The following DIS3L2 variants were observed in gnomAD, a reference collection of about 807,000 sequenced individuals.
DIS3L2 encodes the protein DIS3 like 3'-5' exoribonuclease 2.
Under a neutral mutation model 97.5 loss-of-function variants are expected in DIS3L2, and 34 were observed. That is an observed-to-expected ratio of 0.35 (90% CI 0.27 to 0.46). The LOEUF (loss-of-function observed/expected upper bound fraction) is 0.46. DIS3L2 is among the 20% of genes least tolerant of loss of function. The probability of loss-of-function intolerance (pLI) is 1.00; values close to 1 mark genes in which losing one functional copy is unlikely to be tolerated. For missense variants in DIS3L2, 1,038 were observed against 1,146.0 expected (o/e 0.91, Z 1.36); for synonymous variants, 435 against 445.2 (o/e 0.98, Z 0.29).
At chr2:232,105,166 A>C (rs1399850209) in intron 6 of DIS3L2, among the ~76,000 whole-genome samples, 1 of 152,116 alleles carries the variant, frequency 6.6e-6, no homozygotes, top group African/African-American at 2.4e-5. Context: ...AATTATTTCT[A>C]CCTTTGGCTA....
chr2:232,163,379 C>G, intron 8 of DIS3L2, 80 bp from the exon 9 acceptor site: 1 of 1,462,088 alleles, frequency 6.8e-7, no homozygotes, highest in East Asian at 2.3e-5. Flanking sequence ...TTTCCCACTA[C>G]TTTACTTTTA....
rs1696709964 is a variant in DIS3L2 at position 232,087,804 on chromosome 2, A to G, written c.601+83A>G. 6 of 1,103,812 alleles carry G rather than the reference A, an allele frequency of 5.4e-6. 1 individual carries two copies. In the South Asian group the frequency reaches 9.0e-5, roughly 16 times the overall value. The allele number at this position is 1,103,812 out of a possible 1,614,324, so 68.4% of individuals were successfully genotyped here. Reference sequence around the variant, plus strand: ...TTCCCTCTCTGCTGCAGAGTAAATAACACAATGCCATTGATATAGTCCTAA... The same window carrying G: ...TTCCCTCTCTGCTGCAGAGTAAATAGCACAATGCCATTGATATAGTCCTAA... On this transcript the variant is annotated intron_variant, in intron 6 of 20. Coordinates refer to ENST00000325385, the MANE Select transcript of DIS3L2 (RefSeq NM_152383.5).
rs531354972 is a variant in DIS3L2, at chr2:232,080,208, C to T, written c.367-7279C>T. Among the ~76,000 whole-genome samples the T allele has an allele frequency of 2.9e-3, 435 of 152,102 alleles. 1 individual carries two copies. Among genetic ancestry groups the T allele is most frequent in the Non-Finnish European group, 4.8e-3 (323 of 67,994 alleles). ...AGGGAGAGGGTCAAGGGTAGTGCTG[C>T]GGTTTAGGGCTGGAGGAACTAGATG... On this transcript the variant is annotated intron_variant, in intron 5 of 20. Transcript: ENST00000325385.
At chr2:232,323,903 C>T (rs2106341984) in intron 14 of DIS3L2, among the ~76,000 whole-genome samples, 1 of 152,146 alleles carries the variant, frequency 6.6e-6, no homozygotes, top group Middle Eastern at 3.4e-3. Flanking sequence ...TTCTCCAGGC[C>T]TCCACTTTCC....
chr2:232,109,217 A>T (rs1480042794), intron 6 of DIS3L2, among the ~76,000 whole-genome samples: 3 of 152,138 alleles, frequency 2.0e-5, no homozygotes, highest in African/African-American at 4.8e-5. Flanking sequence ...AGGCCAAGGC[A>T]GGCGGATCAC....
At chr2:231,993,325 T>C (rs1326031253) in intron 1 of DIS3L2, among the ~76,000 whole-genome samples, 1 of 152,164 alleles carries the variant, frequency 6.6e-6, no homozygotes, top group Non-Finnish European at 1.5e-5. Context: ...GCAAGTCTCC[T>C]GCCTCAGCCT....
At chr2:232,058,946 T>C (rs1321753599) in intron 5 of DIS3L2, among the ~76,000 whole-genome samples, 1 of 152,218 alleles carries the variant, frequency 6.6e-6, no homozygotes, top group Non-Finnish European at 1.5e-5. Flanking sequence ...TCTTAAATGG[T>C]TTTATAACTT....
At chr2:232,177,053 G>A (rs991611894) in intron 9 of DIS3L2, among the ~76,000 whole-genome samples, 3 of 146,570 alleles carry the variant, frequency 2.0e-5, no homozygotes, top group African/African-American at 7.6e-5. Context: ...AGAATATGCG[G>A]TGTTTGGTTT....
At chr2:232,319,230 G>A (rs1695360483) in intron 14 of DIS3L2, among the ~76,000 whole-genome samples, 1 of 152,208 alleles carries the variant, frequency 6.6e-6, no homozygotes, top group African/African-American at 2.4e-5. Flanking sequence ...CCCATGTGGG[G>A]TGCACACGAC....
At chr2:232,167,022 A>G (rs1690844488) in intron 9 of DIS3L2, among the ~76,000 whole-genome samples, 1 of 152,162 alleles carries the variant, frequency 6.6e-6, no homozygotes, top group South Asian at 2.1e-4. Context: ...AAAAAAAAAA[A>G]AAATTACTTT....
intron 13 of DIS3L2, among the ~76,000 whole-genome samples, chr2:232,296,092 T>C (rs1694719642): frequency 6.6e-6 from 1 of 152,228 alleles, no homozygotes; most frequent in African/African-American, 2.4e-5. Context: ...CCAGGTATGT[T>C]AGAATCCGCA....
chr2:232,163,715 T>C, intron 9 of DIS3L2, 83 bp downstream of exon 9: 2 of 1,443,566 alleles, frequency 1.4e-6, no homozygotes, highest in East Asian at 2.5e-5. Context: ...TGTTTTCATC[T>C]TTCCACGAAC....
At chr2:232,243,724 A>G (rs1298722663) in intron 11 of DIS3L2, among the ~76,000 whole-genome samples, 1 of 152,236 alleles carries the variant, frequency 6.6e-6, no homozygotes, top group African/African-American at 2.4e-5. Context: ...ATATCACACA[A>G]GAAGAAGTAG....
Position 232,163,649 on chromosome 2 carries a change from C to G in DIS3L2, c.1124+17C>G. 1 of 1,609,684 alleles carries G rather than the reference C, an allele frequency of 6.2e-7. No individual in the cohort carries two copies. On this transcript the variant is annotated intron_variant, in intron 9 of 20. Transcript: ENST00000325385. Reference sequence around the variant, plus strand: ...GGATTTAAGGTAAGCACCTGAAACCCTTTAAGAACGTATATCTCCCTTTCT... The same window carrying G: ...GGATTTAAGGTAAGCACCTGAAACCGTTTAAGAACGTATATCTCCCTTTCT...
At chr2:232,096,907 T>C (rs1296984495) in intron 6 of DIS3L2, among the ~76,000 whole-genome samples, 1 of 152,236 alleles carries the variant, frequency 6.6e-6, no homozygotes, top group African/African-American at 2.4e-5. Context: ...TCTCTGTTTC[T>C]TCAGGATTGG....
chr2:232,032,817 T>A (rs964460532), intron 5 of DIS3L2, among the ~76,000 whole-genome samples: 3 of 152,220 alleles, frequency 2.0e-5, no homozygotes, highest in Non-Finnish European at 4.4e-5. Flanking sequence ...GTGGTGTTAT[T>A]TCTGAGGCCT....
intron 1 of DIS3L2, among the ~76,000 whole-genome samples, chr2:231,991,344 C>A (rs1220364676): frequency 6.6e-6 from 1 of 152,158 alleles, no homozygotes; most frequent in African/African-American, 2.4e-5. Context: ...ACTATCATAG[C>A]TTACTGCACT....
intron 6 of DIS3L2, among the ~76,000 whole-genome samples, chr2:232,110,166 G>A (rs1409841192): frequency 1.3e-5 from 2 of 151,968 alleles, no homozygotes; most frequent in Non-Finnish European, 1.5e-5. Flanking sequence ...ATCTCAGAAT[G>A]GTTATTATTA....
At chr2:232,166,241 G>A (rs1407392605) in intron 9 of DIS3L2, among the ~76,000 whole-genome samples, 2 of 151,956 alleles carry the variant, frequency 1.3e-5, no homozygotes, top group African/African-American at 2.4e-5. Flanking sequence ...CCTGGACAAC[G>A]GAGCAAGACT....
Sources: allele counts gnomAD v4.1 joint callset (sites outside exome capture counted in the v4.1 genomes callset), GRCh38; gene constraint gnomAD v4.1.1; transcripts MANE v1.5; gene names NCBI Gene and HGNC (gene_info 2026-07-23, HGNC 2026-07-21).